Variants in DNAH9 observed in about 807,000 individuals in gnomAD.
The protein encoded by DNAH9 is dynein axonemal heavy chain 9.
A neutral mutation model predicts 471.6 loss-of-function variants in DNAH9; 345 were observed. The observed-to-expected ratio is 0.73, with a 90% CI of 0.67 to 0.80. DNAH9 has a LOEUF of 0.80. Ranked by LOEUF, DNAH9 falls within the 30% of genes least tolerant of loss-of-function variation. The probability of loss-of-function intolerance (pLI) is 0.00; values close to 1 mark genes in which losing one functional copy is unlikely to be tolerated. For missense variants in DNAH9, 5,407 were observed against 5,609.2 expected, an observed-to-expected ratio of 0.96 and a Z score of 1.15; for synonymous variants, 2,093 against 2,123.6, an observed-to-expected ratio of 0.99 and a Z score of 0.40.
At chr17:11,767,506 T>A (rs1968003488) in intron 36 of DNAH9, among the ~76,000 whole-genome samples, 1 of 152,192 alleles carries the variant, frequency 6.6e-6, no homozygotes, top group African/African-American at 2.4e-5. Context: ...GTTTCATAGT[T>A]GTTACCATGT....
intron 4 of DNAH9, among the ~76,000 whole-genome samples, chr17:11,615,415 A>C (rs1470583257): frequency 6.6e-6 from 1 of 151,782 alleles, no homozygotes; most frequent in Non-Finnish European, 1.5e-5. Context: ...TGAAACCCCA[A>C]CTCTACTCAA....
Position 11,961,310 on chromosome 17 carries a change from G to A in DNAH9, c.12844-557G>A, listed in dbSNP as rs573830602. Among the ~76,000 whole-genome samples the A allele has an allele frequency of 1.7e-3, 259 of 152,160 alleles. 2 individuals are homozygous for A. The highest frequency in any genetic ancestry group is 5.4e-3 in the African/African-American group (223 of 41,502). On this transcript the variant is annotated intron_variant, in intron 67 of 68. Transcript: ENST00000262442. ...AGCCTGGGCAATAGAGTGAGACTCC[G>A]TCTCCAAAAATAAAAAAAAATAAAG...
chr17:11,668,121 C>T lies in DNAH9; in HGVS notation c.2732-943C>T, dbSNP rs1054766022. On this transcript the variant is annotated intron_variant, in intron 15 of 68. Transcript: ENST00000262442. Reference sequence around the variant, plus strand: ...TTTAAATTTAGCAAGGCAAGTTGACCTAGTAAGTAATCAGGGATTTGTTAA... The same window carrying T: ...TTTAAATTTAGCAAGGCAAGTTGACTTAGTAAGTAATCAGGGATTTGTTAA... Among the ~76,000 whole-genome samples the T allele has an allele frequency of 1.2e-4, 18 of 152,182 alleles. 1 individual carries two copies.
chr17:11,927,860 T>C (rs1295580232), intron 62 of DNAH9, among the ~76,000 whole-genome samples: 1 of 152,128 alleles, frequency 6.6e-6, no homozygotes, highest in Non-Finnish European at 1.5e-5. Flanking sequence ...CAACAGACAT[T>C]CCTTCTCCTA....
At chr17:11,627,540 G>A (rs1055472412) in intron 6 of DNAH9, among the ~76,000 whole-genome samples, 7 of 152,172 alleles carry the variant, frequency 4.6e-5, no homozygotes, top group African/African-American at 1.7e-4. Flanking sequence ...AGCACTTTAC[G>A]AGAGACTTGA....
intron 59 of DNAH9, among the ~76,000 whole-genome samples, chr17:11,899,999 C>G (rs1973352857): frequency 6.6e-6 from 1 of 151,982 alleles, no homozygotes; most frequent in Admixed American, 6.6e-5. Flanking sequence ...TAGGAGCCCC[C>G]CAGGAAGGAA....
At chr17:11,856,007 A>G (rs1160741708) in intron 50 of DNAH9, among the ~76,000 whole-genome samples, 1 of 152,200 alleles carries the variant, frequency 6.6e-6, no homozygotes, top group Non-Finnish European at 1.5e-5. Flanking sequence ...CCAGCCCATG[A>G]TGAAGGGAGC....
chr17:11,888,469 TA>T (rs1191022629), intron 57 of DNAH9, among the ~76,000 whole-genome samples: 2 of 152,284 alleles, frequency 1.3e-5, no homozygotes, highest in East Asian at 3.9e-4. Flanking sequence ...ATCAGAAGCC[TA>T]CCACAGTGAC....
intron 38 of DNAH9, among the ~76,000 whole-genome samples, chr17:11,772,044 C>T (rs955902088): frequency 2.5e-4 from 38 of 152,174 alleles, no homozygotes; most frequent in African/African-American, 8.9e-4. Context: ...ACTTCAGAGC[C>T]TGTGCTCTTA....
At position 11,894,495 on chromosome 17, in the gene DNAH9, A is replaced by G. The variant is rs371231609; in HGVS notation, c.11405A>G (p.Lys3802Arg). Residue 3802 changes from lysine to arginine, a missense_variant and splice_region_variant, in exon 59 of 69, where the codon AAG (lysine) becomes AGG (arginine). Coordinates refer to ENST00000262442, the MANE Select transcript of DNAH9 (RefSeq NM_001372.4). The part of the protein sequence containing the change: ...FLSHQAWGAV[K>R]VLSSMEEFSN... ...TCCCATCAGGCGTGGGGAGCTGTCA[A>G]GGTCAGTATTGACCCCTAGAAAAAA... 10 of 1,614,040 alleles carry G rather than the reference A, an allele frequency of 6.2e-6. No individual in the cohort carries two copies. In the African/African-American group the frequency reaches 8.0e-5, roughly 13 times the overall value.
intron 17 of DNAH9, among the ~76,000 whole-genome samples, chr17:11,675,960 C>T (rs2074042582): frequency 6.6e-6 from 1 of 151,194 alleles, no homozygotes; most frequent in Non-Finnish European, 1.5e-5. Context: ...AGAAGTAATT[C>T]TTCTTATTTT....
At chr17:11,727,510 A>C (rs564669729) in intron 27 of DNAH9, among the ~76,000 whole-genome samples, 1 of 152,318 alleles carries the variant, frequency 6.6e-6, no homozygotes, top group East Asian at 1.9e-4. Context: ...ATAGCATAAG[A>C]AAAATCATCT....
chr17:11,600,041 C>T (rs2072351831), intron 1 of DNAH9, among the ~76,000 whole-genome samples: 1 of 151,960 alleles, frequency 6.6e-6, no homozygotes, highest in Admixed American at 6.6e-5. Context: ...TATCAGGAGG[C>T]TGTGGGGAGG....
chr17:11,846,064 T>C (rs976657518), intron 49 of DNAH9, among the ~76,000 whole-genome samples: 1 of 151,550 alleles, frequency 6.6e-6, no homozygotes, highest in Admixed American at 6.5e-5. Flanking sequence ...GTTCTAGACA[T>C]GAAGTCCTTG....
Position 11,705,007 on chromosome 17 carries a change from C to T in DNAH9, c.5392-18C>T, listed in dbSNP as rs1353752103. The T allele has an allele frequency of 1.9e-6, 3 of 1,612,684 alleles. No individual in the cohort carries two copies. The highest frequency in any genetic ancestry group is 2.5e-6 in the Non-Finnish European group (3 of 1,178,852). ...GCTGCCTATGATTCACCCACCTACT[C>T]TACCACTCTCTCTTTAGGTAGACAA... On this transcript the variant is annotated intron_variant, in intron 25 of 68. Transcript: ENST00000262442.
At chr17:11,947,701 T>C (rs747855179) in intron 67 of DNAH9, among the ~76,000 whole-genome samples, 7 of 152,056 alleles carry the variant, frequency 4.6e-5, no homozygotes, top group Non-Finnish European at 8.8e-5. Flanking sequence ...GTTTGCATTC[T>C]ATTTCATTTA....
intron 67 of DNAH9, among the ~76,000 whole-genome samples, chr17:11,959,534 A>T (rs1975901177): frequency 6.6e-6 from 1 of 152,222 alleles, no homozygotes; most frequent in Non-Finnish European, 1.5e-5. Flanking sequence ...TATTAAACCC[A>T]TTTCTCAGAA....
At chr17:11,713,201 A>G (rs62061786) in intron 26 of DNAH9, among the ~76,000 whole-genome samples, 42,310 of 151,034 alleles carry the variant, frequency 0.28, 6,715 homozygotes, top group Non-Finnish European at 0.36. Flanking sequence ...ATAGACTCCA[A>G]CTCCATCCAT....
At chr17:11,759,353 A>T (rs1967551453) in intron 35 of DNAH9, among the ~76,000 whole-genome samples, 1 of 151,846 alleles carries the variant, frequency 6.6e-6, no homozygotes, top group African/African-American at 2.4e-5. Context: ...TTTAGCTCCC[A>T]CTTATAAGTG....
Sources: gnomAD v4.1 joint callset for allele counts (sites outside exome capture counted in the v4.1 genomes callset) on GRCh38, gnomAD v4.1.1 for gene constraint, MANE v1.5 for transcripts, NCBI Gene and HGNC (gene_info 2026-07-23, HGNC 2026-07-21) for gene names.